The following RAD23A variants were observed in gnomAD, a reference collection of about 807,000 sequenced individuals.
The protein encoded by RAD23A is lysine-specific demethylase RAD23A.
A neutral mutation model predicts 44.8 loss-of-function variants in RAD23A; 16 were observed. That is an observed-to-expected ratio of 0.36 (90% CI 0.24 to 0.54). The LOEUF (loss-of-function observed/expected upper bound fraction) is 0.54, where lower values mean the gene tolerates loss of function less well. Ranked by LOEUF, RAD23A falls within the 20% of genes least tolerant of loss-of-function variation. RAD23A has a pLI of 0.89. For synonymous variants in RAD23A, 217 were observed against 202.9 expected (o/e 1.07, Z -0.59); for missense variants, 380 against 483.3 (o/e 0.79, Z 2.00).
In RAD23A at chr19:12,948,882, G is replaced by A. The variant is rs977133137; in HGVS notation, c.600+69G>A. 3.0e-5 allele frequency: 46 copies of A among 1,553,164 alleles called. No homozygotes were observed. The highest frequency in any genetic ancestry group is 5.5e-5 in the African/African-American group (4 of 73,166). On this transcript the variant is annotated intron_variant, in intron 5 of 8. Transcript: ENST00000586534. The surrounding 1 kb of genome is among the most constrained non-coding windows in gnomAD (Gnocchi z 5.5). ...CCCGGGCGTCACTGCCCTGATGGGC[G>A]GTTGGGAAGGCAAAACCTGCCCTGA...
chr19:12,948,221 C>G lies in RAD23A; in HGVS notation c.279C>G (p.Pro93=). The G allele has an allele frequency of 6.2e-7, 1 of 1,614,126 alleles. No homozygotes were observed. Among genetic ancestry groups the G allele is most frequent in the Non-Finnish European group, 8.5e-7 (1 of 1,180,004 alleles). The change falls in exon 3 of 9, where the codon CCC becomes CCG. Residue 93 remains proline (P), a synonymous_variant. Coordinates refer to ENST00000586534, the MANE Select transcript of RAD23A (RefSeq NM_005053.4). This position sits in a 1 kb window ranked among gnomAD's most constrained non-coding sequence, Gnocchi z 5.5. ...QGTSAPPEAS[P]TAAPESSTSF... is the part of the protein sequence containing the mutation. ...CCTCAGCACCCCCAGAGGCCTCACCCACAGCTGCCCCAGAGTCCTCTACAT... is the reference window on the plus strand; with the variant it reads ...CCTCAGCACCCCCAGAGGCCTCACCGACAGCTGCCCCAGAGTCCTCTACAT...
chr19:12,946,248 G>GGGCGCTGGCCA (rs1971671011), intron 1 of RAD23A, among the ~76,000 whole-genome samples: 1 of 152,168 alleles, frequency 6.6e-6, no homozygotes, highest in Admixed American at 6.5e-5. Context: ...CCCACCCCCG[G>GGGCGCTGGCCA]GGCGCTGGCC....
In RAD23A at chr19:12,948,820, T is replaced by A. The variant is rs771141852; in HGVS notation, c.600+7T>A. The A allele has an allele frequency of 6.3e-7, 1 of 1,589,284 alleles. No individual in the cohort carries two copies. The highest frequency in any genetic ancestry group is 1.4e-5 in the African/African-American group (1 of 73,456). ...CGTGGAGTATCTGCTCACGGTGAGG[T>A]GGGGCTTCCGCCTCCCGGGGAGGCC... On this transcript the variant is annotated splice_region_variant and intron_variant, in intron 5 of 8. Coordinates refer to ENST00000586534, the MANE Select transcript of RAD23A (RefSeq NM_005053.4). This position sits in a 1 kb window ranked among gnomAD's most constrained non-coding sequence, Gnocchi z 5.5.
At chr19:12,947,729 C>T in intron 1 of RAD23A, 119 bp from the exon 2 acceptor site, 1 of 931,206 alleles carries the variant, frequency 1.1e-6, no homozygotes, top group Non-Finnish European at 1.6e-6. Context: ...GCTGAGAAAG[C>T]TTAAAAAACC....
At chr19:12,950,940 T>C (rs561390341) in intron 7 of RAD23A, among the ~76,000 whole-genome samples, 2 of 152,292 alleles carry the variant, frequency 1.3e-5, no homozygotes, top group South Asian at 4.1e-4. Flanking sequence ...GGCAGGCCAC[T>C]GTAGTCCCAG....
At chr19:12,946,464 C>T (rs1298067986) in intron 1 of RAD23A, among the ~76,000 whole-genome samples, 2 of 152,190 alleles carry the variant, frequency 1.3e-5, no homozygotes, top group Non-Finnish European at 2.9e-5. Flanking sequence ...ATAAACGGGT[C>T]TCAGTCTTTA....
Position 12,949,626 on chromosome 19 carries a change from C to T in RAD23A, c.813+218C>T. ...TGTGGGTGCTGTCAACATCACCTCC[C>T]ACAGAAGAAGACACCGGAAACTTAG... On this transcript the variant is annotated intron_variant, in intron 7 of 8. Transcript: ENST00000586534. The T allele has an allele frequency of 1.0e-5, 6 of 589,916 alleles. No homozygotes were observed. The South Asian group carries it at 1.1e-4, about 11-fold the overall frequency. The allele number at this position is 589,916 out of a possible 1,614,324, so 36.5% of individuals were successfully genotyped here.
chr19:12,952,544 G>A, intron 7 of RAD23A, 145 bp from the exon 8 acceptor site: 1 of 923,508 alleles, frequency 1.1e-6, no homozygotes. Flanking sequence ...GGTAGGGCTT[G>A]TGTCGACTGC....
At chr19:12,952,071 G>A (rs949834502) in intron 7 of RAD23A, among the ~76,000 whole-genome samples, 13 of 152,018 alleles carry the variant, frequency 8.6e-5, no homozygotes, top group African/African-American at 2.9e-4. Context: ...TTACAGGCAC[G>A]TGCCATCACA....
At chr19:12,949,758 T>C (rs968520695) in intron 7 of RAD23A, among the ~76,000 whole-genome samples, 4 of 152,250 alleles carry the variant, frequency 2.6e-5, no homozygotes, top group Non-Finnish European at 4.4e-5. Flanking sequence ...CAGATGGTGC[T>C]GCGTAAATGT....
intron 8 of RAD23A, 25 bp from the exon 9 acceptor site, chr19:12,952,911 T>G (rs201367005): frequency 1.2e-6 from 2 of 1,612,346 alleles, no homozygotes; most frequent in Non-Finnish European, 1.7e-6. Context: ...CCTCTCCTGC[T>G]CACACTTAAC....
chr19:12,946,449 T>C (rs551234005), intron 1 of RAD23A, among the ~76,000 whole-genome samples: 18 of 152,344 alleles, frequency 1.2e-4, no homozygotes, highest in Admixed American at 7.8e-4. Context: ...ACGATGTTAA[T>C]GATAATAAAC....
Position 12,952,279 on chromosome 19 carries a change from C to G in RAD23A, c.814-410C>G, listed in dbSNP as rs45538839. The G allele has an allele frequency of 2.4e-3, 418 of 171,966 alleles. 6 individuals are homozygous for G. The highest frequency in any genetic ancestry group is 9.8e-3 in the African/African-American group (408 of 41,706). The allele number at this position is 171,966 out of a possible 1,614,324, so 10.7% of individuals were successfully genotyped here. On this transcript the variant is annotated intron_variant, in intron 7 of 8. Coordinates refer to ENST00000586534, the MANE Select transcript of RAD23A (RefSeq NM_005053.4). Reference sequence around the variant, plus strand: ...CTGGAGTTCAGTGGCTTACTGCAGCCTCCGCCTCCTGGGTTCAGTCTTATG... The same window carrying G: ...CTGGAGTTCAGTGGCTTACTGCAGCGTCCGCCTCCTGGGTTCAGTCTTATG...
intron 1 of RAD23A, among the ~76,000 whole-genome samples, chr19:12,946,521 A>G (rs1415539732): frequency 1.3e-5 from 2 of 152,174 alleles, no homozygotes; most frequent in East Asian, 3.8e-4. Context: ...TTTATCAGTC[A>G]CCGAGTGTTG....
At position 12,953,077 on chromosome 19, in the gene RAD23A, CCA is replaced by C. The variant is rs1971860402; in HGVS notation, c.*30_*31del. On this transcript the variant is annotated 3_prime_UTR_variant, in exon 9 of 9. Coordinates refer to ENST00000586534, the MANE Select transcript of RAD23A (RefSeq NM_005053.4). ...CCAGGAAGCCAGGCCACCGAAGCCC[CCA>C]CCCTACCCTTATTCCATGAAAGTTT... The C allele has an allele frequency of 6.6e-7, 1 of 1,505,210 alleles. No homozygotes were observed. The highest frequency in any genetic ancestry group is 9.2e-7 in the Non-Finnish European group (1 of 1,084,434). 93.2% of individuals were successfully genotyped at this position (1,505,210 alleles called of 1,614,324 possible).
At chr19:12,952,590 A>G in intron 7 of RAD23A, 99 bp from the exon 8 acceptor site, 6 of 1,364,234 alleles carry the variant, frequency 4.4e-6, no homozygotes, top group African/African-American at 4.4e-5. Flanking sequence ...TCCTCTGGAT[A>G]TTTGCCTGAC....
Position 12,948,179 on chromosome 19 carries a change from C to G in RAD23A, c.237C>G (p.Thr79=), listed in dbSNP as rs1365627538. 6.2e-6 allele frequency: 10 copies of G among 1,614,040 alleles called. No individual in the cohort carries two copies. The South Asian group carries it at 9.9e-5, about 16-fold the overall frequency. ...CTCCCTTTTTCTTGCTGTTGCAGAC[C>G]AAAGCCGGCCAGGGTACCTCAGCAC... ...KNFVVVMVTK[T]KAGQGTSAPP... Residue 79 remains threonine, a splice_region_variant and synonymous_variant, in exon 3 of 9, where the codon ACC becomes ACG. Coordinates refer to ENST00000586534, the MANE Select transcript of RAD23A (RefSeq NM_005053.4). The surrounding 1 kb of genome is among the most constrained non-coding windows in gnomAD (Gnocchi z 5.5).
In RAD23A at chr19:12,948,115, G is replaced by A. The variant is rs1034367117; in HGVS notation, c.235-62G>A. On this transcript the variant is annotated intron_variant, in intron 2 of 8. Coordinates refer to ENST00000586534, the MANE Select transcript of RAD23A (RefSeq NM_005053.4). The surrounding 1 kb of genome is among the most constrained non-coding windows in gnomAD (Gnocchi z 5.5). ...GCTGTGAACAGGGCGGGGCCACAGC[G>A]GAGCGGGTTGTTGGGTCTGATAGGG... 95 of 1,608,924 alleles carry A rather than the reference G, an allele frequency of 5.9e-5. No individual in the cohort carries two copies. Among genetic ancestry groups the A allele is most frequent in the Non-Finnish European group, 7.4e-5 (87 of 1,176,314 alleles).
chr19:12,949,262 T>C lies in RAD23A; in HGVS notation c.680-13T>C. Reference sequence around the variant, plus strand: ...CCGGCGTGGTGTCTGACTGCACCCCTTCCTACTACCAGCAGGAGAGAACCC... The same window carrying C: ...CCGGCGTGGTGTCTGACTGCACCCCCTCCTACTACCAGCAGGAGAGAACCC... On this transcript the variant is annotated splice_polypyrimidine_tract_variant and intron_variant, in intron 6 of 8. Transcript: ENST00000586534. The C allele has an allele frequency of 6.2e-7, 1 of 1,614,002 alleles. No homozygotes were observed. Among genetic ancestry groups the C allele is most frequent in the Non-Finnish European group, 8.5e-7 (1 of 1,179,882 alleles).
Sources: allele counts gnomAD v4.1 joint callset (sites outside exome capture counted in the v4.1 genomes callset), GRCh38; gene constraint gnomAD v4.1.1; non-coding constraint Gnocchi (gnomAD v3.1); transcripts MANE v1.5; gene names NCBI Gene and HGNC (gene_info 2026-07-23, HGNC 2026-07-21).